The following CORO2B variants were observed in gnomAD, a reference collection of about 807,000 sequenced individuals.
CORO2B encodes the protein coronin-2B.
CORO2B carries 26 observed loss-of-function variants against 58.8 expected under a neutral mutation model. That is an observed-to-expected ratio of 0.44 (90% CI 0.32 to 0.61). CORO2B has a LOEUF of 0.61. CORO2B is among the 20% of genes least tolerant of loss of function. CORO2B has a pLI of 0.04. For missense variants in CORO2B, 460 were observed against 645.1 expected (o/e 0.71, Z 3.11); for synonymous variants, 242 against 253.8 (o/e 0.95, Z 0.44).
intron 1 of CORO2B, among the ~76,000 whole-genome samples, chr15:68,619,318 C>A (rs1174805333): frequency 6.6e-6 from 1 of 152,162 alleles, no homozygotes; most frequent in African/African-American, 2.4e-5. Flanking sequence ...AGATTTTCAT[C>A]CTGCTGCAAT....
the CORO2B span, among the ~76,000 whole-genome samples, chr15:68,559,171 C>A: frequency 1.6e-4 from 25 of 152,116 alleles, no homozygotes; most frequent in African/African-American, 6.0e-4. The surrounding 1 kb of genome is among the most constrained non-coding windows in gnomAD (Gnocchi z 4.3). Flanking sequence ...GACTCAGTGG[C>A]GTCAGTGCTA....
chr15:68,647,411 C>T (rs780193002), intron 2 of CORO2B, among the ~76,000 whole-genome samples: 6 of 152,134 alleles, frequency 3.9e-5, no homozygotes, highest in Admixed American at 2.0e-4. Context: ...AGAACCCGAC[C>T]GGACACGGTG....
At chr15:68,626,637 T>A (rs1262479005) in intron 1 of CORO2B, among the ~76,000 whole-genome samples, 1 of 152,208 alleles carries the variant, frequency 6.6e-6, no homozygotes, top group Non-Finnish European at 1.5e-5. Flanking sequence ...CGGGAATCAC[T>A]GCTTCTAGAG....
the CORO2B span, among the ~76,000 whole-genome samples, chr15:68,541,086 G>A: frequency 6.6e-6 from 1 of 152,046 alleles, no homozygotes; most frequent in Non-Finnish European, 1.5e-5. Flanking sequence ...TAAAAAGTTA[G>A]CCAGGTGTTG....
chr15:68,520,751 T>C, the CORO2B span, among the ~76,000 whole-genome samples: 3 of 152,166 alleles, frequency 2.0e-5, no homozygotes, highest in Non-Finnish European at 4.4e-5. Flanking sequence ...AAAAATCCAG[T>C]CTTAAAAGCT....
At chr15:68,668,769 C>A (rs1902280326) in intron 2 of CORO2B, among the ~76,000 whole-genome samples, 1 of 152,136 alleles carries the variant, frequency 6.6e-6, no homozygotes, top group Non-Finnish European at 1.5e-5. Context: ...AATATGGTAA[C>A]AACACACCCC....
the CORO2B span, among the ~76,000 whole-genome samples, chr15:68,543,738 C>T: frequency 6.6e-6 from 1 of 152,182 alleles, no homozygotes; most frequent in Middle Eastern, 3.4e-3. Context: ...GTCTCCAGTC[C>T]TCCCCCAACA....
intron 2 of CORO2B, among the ~76,000 whole-genome samples, chr15:68,684,099 A>G (rs1252259958): frequency 6.6e-6 from 1 of 152,194 alleles, no homozygotes; most frequent in African/African-American, 2.4e-5. Context: ...AAGAGCAGAC[A>G]TTACAGGGAA....
chr15:68,724,723 T>C (rs900268106), intron 11 of CORO2B, among the ~76,000 whole-genome samples: 3 of 152,230 alleles, frequency 2.0e-5, no homozygotes, highest in Admixed American at 1.3e-4. Context: ...CATTAAATTA[T>C]GCAATTACAA....
intron 2 of CORO2B, among the ~76,000 whole-genome samples, chr15:68,661,127 G>A (rs1200344587): frequency 2.6e-5 from 4 of 151,930 alleles, no homozygotes; most frequent in Non-Finnish European, 4.4e-5. Flanking sequence ...ACAGGTGCCC[G>A]CCACCATGCC....
In CORO2B at chr15:68,645,341, T is replaced by C; in HGVS notation, c.197T>C (p.Leu66Pro). The change falls in exon 2 of 12, where the codon CTC (leucine) becomes CCC (proline). Residue 66 changes from leucine (L) to proline (P), a missense_variant. By Grantham distance (98) the Leu-to-Pro change is moderately conservative. Coordinates refer to ENST00000261861, the MANE Select transcript of CORO2B (RefSeq NM_006091.5). This position sits in a 1 kb window ranked among gnomAD's most constrained non-coding sequence, Gnocchi z 4.5. The stretch of plus-strand genomic sequence containing the variant: ...GAGAGCGCAGGGGGCGGCTCCTTCC[T>C]CGTCATCCCCCTGGAGCAGGTAGGT... Reference protein sequence around the residue: ...VTESAGGGSFLVIPLEQTGRI... With the variant: ...VTESAGGGSFPVIPLEQTGRI... 2 of 1,611,814 alleles carry C rather than the reference T, an allele frequency of 1.2e-6. No homozygotes were observed. Among genetic ancestry groups the C allele is most frequent in the Non-Finnish European group, 1.7e-6 (2 of 1,179,950 alleles).
At chr15:68,546,035 G>T in the CORO2B span, among the ~76,000 whole-genome samples, 1 of 152,160 alleles carries the variant, frequency 6.6e-6, no homozygotes, top group Non-Finnish European at 1.5e-5. Context: ...GTCACTCATT[G>T]TGGAGGGCAG....
intron 2 of CORO2B, among the ~76,000 whole-genome samples, chr15:68,660,986 T>TTC (rs1315842164): frequency 6.6e-6 from 1 of 151,870 alleles, no homozygotes; most frequent in Non-Finnish European, 1.5e-5. Context: ...CTTTTTTTTT[T>TTC]TTCTGTTTTT....
At chr15:68,641,577 T>C in intron 1 of CORO2B, 1 of 985,292 alleles carries the variant, frequency 1.0e-6, no homozygotes, top group Middle Eastern at 5.2e-4. Flanking sequence ...GCGCTCCACC[T>C]GGGGAACCTG....
At chr15:68,630,962 C>T (rs1900811488) in intron 1 of CORO2B, among the ~76,000 whole-genome samples, 1 of 152,220 alleles carries the variant, frequency 6.6e-6, no homozygotes, top group African/African-American at 2.4e-5. Context: ...AAATCCTTCT[C>T]AGAAGCCCCC....
chr15:68,587,715 A>G (rs1899603071), intron 1 of CORO2B, among the ~76,000 whole-genome samples: 1 of 152,212 alleles, frequency 6.6e-6, no homozygotes, highest in South Asian at 2.1e-4. Context: ...GTATTAATTC[A>G]TTTAAGCTTC....
chr15:68,535,357 T>C, the CORO2B span, among the ~76,000 whole-genome samples: 150 of 152,324 alleles, frequency 9.8e-4, no homozygotes, highest in African/African-American at 3.5e-3. Flanking sequence ...CCTTAGTCAA[T>C]TTACCTAATC....
the CORO2B span, among the ~76,000 whole-genome samples, chr15:68,527,790 G>A: frequency 2.0e-5 from 3 of 152,056 alleles, no homozygotes; most frequent in African/African-American, 7.2e-5. Context: ...CCTTTATTTA[G>A]TTCTTTTAAA....
At chr15:68,709,653 C>T (rs555554094) in intron 3 of CORO2B, among the ~76,000 whole-genome samples, 2 of 151,892 alleles carry the variant, frequency 1.3e-5, no homozygotes, top group Admixed American at 1.3e-4. Context: ...GGCACGGTCT[C>T]GCTGTGTTGC....
Sources: allele counts gnomAD v4.1 joint callset (sites outside exome capture counted in the v4.1 genomes callset), GRCh38; gene constraint gnomAD v4.1.1; non-coding constraint Gnocchi (gnomAD v3.1); transcripts MANE v1.5; gene names NCBI Gene and HGNC (gene_info 2026-07-23, HGNC 2026-07-21).